GRIK1: variants seen among roughly 807,000 people sequenced by gnomAD.
The protein encoded by GRIK1 is glutamate receptor ionotropic, kainate 1.
In GRIK1, 69 loss-of-function variants were observed where a neutral mutation model predicts 105.7. The ratio of observed to expected loss-of-function variants is 0.65; its 90% CI spans 0.54 to 0.80. GRIK1 has a LOEUF of 0.80. GRIK1 is among the 30% of genes least tolerant of loss of function. The pLI, the probability that GRIK1 is intolerant of heterozygous loss-of-function variation, is 0.00. For missense variants in GRIK1, 1,109 were observed against 1,167.3 expected (o/e 0.95, Z 0.73); for synonymous variants, 438 against 431.3 (o/e 1.02, Z -0.19).
chr21:29,611,226 A>G (rs1298313387), intron 7 of GRIK1, among the ~76,000 whole-genome samples: 2 of 152,234 alleles, frequency 1.3e-5, no homozygotes, highest in Non-Finnish European at 2.9e-5. Flanking sequence ...GGTCAAGACT[A>G]TGAAATTACA....
At chr21:29,937,534 G>A (rs1800678737) in intron 1 of GRIK1, among the ~76,000 whole-genome samples, 1 of 152,160 alleles carries the variant, frequency 6.6e-6, no homozygotes, top group East Asian at 1.9e-4. Flanking sequence ...GAAAAATACT[G>A]AGATCTGTGA....
chr21:29,561,890 G>C, intron 14 of GRIK1, 41 bp from the exon 15 acceptor site: 1 of 1,155,032 alleles, frequency 8.7e-7, no homozygotes, highest in Non-Finnish European at 1.3e-6. Flanking sequence ...GAAGAGGGCT[G>C]GAAAAATACG....
intron 15 of GRIK1, among the ~76,000 whole-genome samples, chr21:29,556,481 T>C (rs183935369): frequency 6.6e-6 from 1 of 152,216 alleles, no homozygotes; most frequent in East Asian, 1.9e-4. Context: ...AAGTTAGCAG[T>C]TATTTAGACC....
chr21:29,586,289 G>A (rs1261511112), intron 12 of GRIK1, among the ~76,000 whole-genome samples: 3 of 152,160 alleles, frequency 2.0e-5, no homozygotes, highest in African/African-American at 7.2e-5. Context: ...CCACATGTGA[G>A]AGCACATGTT....
chr21:29,818,674 A>G (rs1215627600), intron 1 of GRIK1, among the ~76,000 whole-genome samples: 5 of 152,016 alleles, frequency 3.3e-5, no homozygotes, highest in Admixed American at 3.3e-4. Context: ...CTCAGTATCT[A>G]TTTGTAATTC....
Position 29,689,901 on chromosome 21 carries a change from T to C in GRIK1, c.371A>G (p.Asn124Ser), listed in dbSNP as rs1252479198. 2.2e-5 allele frequency: 36 copies of C among 1,613,612 alleles called. No homozygotes were observed. Among genetic ancestry groups the C allele is most frequent in the Non-Finnish European group, 2.9e-5 (34 of 1,179,782 alleles). Residue 124 changes from asparagine to serine, a missense_variant, in exon 3 of 18, where the codon AAT becomes AGT. By Grantham distance (46) the Asn-to-Ser change is conservative (BLOSUM62 1). Coordinates refer to ENST00000327783, the MANE Select transcript of GRIK1 (RefSeq NM_001330994.2). ...CTGTATGTGTGGAACTTCGAGAGCA[T>C]TGCAAATAGACTGCACAGCACTGAC... ...SSVSAVQSIC[N>S]ALEVPHIQTR...
intron 15 of GRIK1, among the ~76,000 whole-genome samples, chr21:29,557,551 T>TA (rs906817618): frequency 2.6e-5 from 4 of 152,230 alleles, no homozygotes; most frequent in African/African-American, 7.2e-5. Context: ...AACAGAAGGT[T>TA]AACATTTGTG....
chr21:29,585,525 A>G (rs1295926117), intron 12 of GRIK1, among the ~76,000 whole-genome samples: 1 of 152,108 alleles, frequency 6.6e-6, no homozygotes, highest in African/African-American at 2.4e-5. Flanking sequence ...TGCCTGTTCT[A>G]CTCATCAACA....
intron 6 of GRIK1, among the ~76,000 whole-genome samples, chr21:29,648,775 A>G (rs944805204): frequency 1.3e-5 from 2 of 152,156 alleles, no homozygotes; most frequent in African/African-American, 4.8e-5. Context: ...GGGCTACTGT[A>G]CTAGATGGTG....
chr21:29,725,410 T>C (rs962643472), intron 1 of GRIK1, among the ~76,000 whole-genome samples: 1 of 152,208 alleles, frequency 6.6e-6, no homozygotes, highest in Non-Finnish European at 1.5e-5. Context: ...GGATGATCTT[T>C]CTCTTTGATG....
chr21:29,643,246 C>G (rs564706197), intron 6 of GRIK1, among the ~76,000 whole-genome samples: 77 of 152,236 alleles, frequency 5.1e-4, no homozygotes, highest in Non-Finnish European at 9.4e-4. Context: ...ATTCAAGGAA[C>G]AAATATTTTG....
intron 16 of GRIK1, among the ~76,000 whole-genome samples, chr21:29,554,581 G>C (rs1189868148): frequency 6.6e-6 from 1 of 152,018 alleles, no homozygotes; most frequent in Non-Finnish European, 1.5e-5. Flanking sequence ...ATCTTACTTT[G>C]ATAGAAGTGT....
At chr21:29,634,772 G>A (rs2062360015) in intron 7 of GRIK1, among the ~76,000 whole-genome samples, 1 of 152,112 alleles carries the variant, frequency 6.6e-6, no homozygotes, top group African/African-American at 2.4e-5. Flanking sequence ...TGGGAGGTAG[G>A]GCTTTGCAGG....
intron 1 of GRIK1, among the ~76,000 whole-genome samples, chr21:29,897,886 A>G (rs1049663772): frequency 3.3e-5 from 5 of 152,248 alleles, no homozygotes; most frequent in Non-Finnish European, 5.9e-5. Context: ...TTTGACATAT[A>G]TTTGAATAAA....
At chr21:29,836,459 G>A (rs2067808775) in intron 1 of GRIK1, among the ~76,000 whole-genome samples, 1 of 151,900 alleles carries the variant, frequency 6.6e-6, no homozygotes, top group Admixed American at 6.6e-5. Context: ...CTCAACTCTG[G>A]GAAAAGTCCC....
intron 1 of GRIK1, among the ~76,000 whole-genome samples, chr21:29,910,903 G>A (rs186659596): frequency 7.9e-5 from 12 of 151,870 alleles, no homozygotes; most frequent in African/African-American, 2.4e-4. Flanking sequence ...GACTGACTTC[G>A]TTAGTTTGGA....
In GRIK1 at chr21:29,851,627, C is replaced by A. The variant is rs193249513; in HGVS notation, c.118+87756G>T. Among the ~76,000 whole-genome samples the A allele has an allele frequency of 3.3e-5, 5 of 152,274 alleles. No homozygotes were observed. In the South Asian group the frequency reaches 6.2e-4, roughly 19 times the overall value. ...TACCAGCTGTGTGATCACAGTTCCTCTTCTGCAAAACAGAATCTAATAACT... is the reference window on the plus strand; with the variant it reads ...TACCAGCTGTGTGATCACAGTTCCTATTCTGCAAAACAGAATCTAATAACT... On this transcript the variant is annotated intron_variant, in intron 1 of 17. Coordinates refer to ENST00000327783, the MANE Select transcript of GRIK1 (RefSeq NM_001330994.2).
At chr21:29,848,768 TATATATATATA>T (rs1216434521) in intron 1 of GRIK1, among the ~76,000 whole-genome samples, 9 of 97,194 alleles carry the variant, frequency 9.3e-5, no homozygotes, top group African/African-American at 3.3e-4. Flanking sequence ...TATATATATA[TATATATATATA>T]TTTTTTTTTT....
chr21:29,710,985 C>T (rs1338756444), intron 1 of GRIK1, among the ~76,000 whole-genome samples: 1 of 151,558 alleles, frequency 6.6e-6, no homozygotes, highest in African/African-American at 2.4e-5. Flanking sequence ...ATTTTTAATT[C>T]ACTTATTTGG....
Sources: allele counts gnomAD v4.1 joint callset (sites outside exome capture counted in the v4.1 genomes callset), GRCh38; gene constraint gnomAD v4.1.1; transcripts MANE v1.5; gene names NCBI Gene and HGNC (gene_info 2026-07-23, HGNC 2026-07-21).